Variants in CCDC191 observed in about 807,000 individuals in gnomAD.
CCDC191 encodes the protein coiled-coil domain containing 191.
CCDC191 carries 99 observed loss-of-function variants against 114.0 expected under a neutral mutation model. The ratio of observed to expected loss-of-function variants is 0.87; its 90% CI spans 0.74 to 1.03. CCDC191 has a LOEUF of 1.03. Among genes scored for constraint, CCDC191 ranks in the 50% least tolerant of loss-of-function variants. The probability of loss-of-function intolerance (pLI) is 0.00; values close to 1 mark genes in which losing one functional copy is unlikely to be tolerated. For missense variants in CCDC191, 973 were observed against 1,087.0 expected, an observed-to-expected ratio of 0.90 and a Z score of 1.47; for synonymous variants, 351 against 376.0, an observed-to-expected ratio of 0.93 and a Z score of 0.77.
At chr3:114,002,123 T>C (rs1577391236) in intron 12 of CCDC191, among the ~76,000 whole-genome samples, 1 of 152,198 alleles carries the variant, frequency 6.6e-6, no homozygotes, top group Non-Finnish European at 1.5e-5. Flanking sequence ...GGTCAAAACT[T>C]TGGAAAATAA....
intron 6 of CCDC191, among the ~76,000 whole-genome samples, chr3:114,033,690 G>C (rs1317425790): frequency 2.0e-5 from 3 of 152,188 alleles, no homozygotes; most frequent in Admixed American, 6.5e-5. Flanking sequence ...ATTTATTTTA[G>C]GTCAACCTAG....
chr3:114,045,375 ATTTG>A (rs1286987751), intron 3 of CCDC191, among the ~76,000 whole-genome samples: 1 of 151,668 alleles, frequency 6.6e-6, no homozygotes, highest in Non-Finnish European at 1.5e-5. Flanking sequence ...TTAATTTATT[ATTTG>A]TTTATTTATT....
intron 7 of CCDC191, among the ~76,000 whole-genome samples, chr3:114,028,521 G>A (rs1040703437): frequency 6.6e-6 from 1 of 151,766 alleles, no homozygotes. Context: ...TCCTGACCTC[G>A]TGATCCGCCC....
intron 7 of CCDC191, among the ~76,000 whole-genome samples, chr3:114,026,452 A>G (rs908550222): frequency 3.9e-5 from 6 of 152,212 alleles, no homozygotes; most frequent in Admixed American, 1.3e-4. Context: ...TAATCTTCCT[A>G]TGTGTGCTGG....
At chr3:113,995,846 T>C (rs189423358) in intron 13 of CCDC191, among the ~76,000 whole-genome samples, 2 of 152,366 alleles carry the variant, frequency 1.3e-5, no homozygotes, top group East Asian at 3.8e-4. Flanking sequence ...AATCTCATTG[T>C]GGTTTTGATT....
At chr3:114,042,292 AAAT>A (rs1403573221) in intron 4 of CCDC191, among the ~76,000 whole-genome samples, 1 of 152,190 alleles carries the variant, frequency 6.6e-6, no homozygotes. Context: ...CAACAATAAA[AAAT>A]AATAAACATT....
In CCDC191 at chr3:113,992,686, CCTG is replaced by C. The variant is rs370850517; in HGVS notation, c.2163+8906_2163+8908del. 4.7e-3 allele frequency among the ~76,000 whole-genome samples: 721 copies of C among 152,100 alleles called. 1 individual carries two copies. The highest frequency in any genetic ancestry group is 0.02 in the Middle Eastern group (6 of 294). ...GGCACATGTATACATATGTAACAAACCTGCACGTTGTGCACACGTACCCTAAAA... is the reference window on the plus strand; with the variant it reads ...GGCACATGTATACATATGTAACAAACCACGTTGTGCACACGTACCCTAAAA... On this transcript the variant is annotated intron_variant, in intron 13 of 16. Transcript: ENST00000295878.
At position 114,018,738 on chromosome 3, in the gene CCDC191, C is replaced by T; in HGVS notation, c.1103G>A (p.Arg368Lys). 1 of 1,613,648 alleles carries T rather than the reference C, an allele frequency of 6.2e-7. No homozygotes were observed. The highest frequency in any genetic ancestry group is 8.5e-7 in the Non-Finnish European group (1 of 1,179,754). ...AGTCTCCCGCTCCAACTTCTGGAAT[C>T]TTGTGTAGTCTCTCCAGGCCCGCAG... ...KVLRAWRDYT[R>K]FQKLERETQA... The change falls in exon 8 of 17, where the codon AGA becomes AAA. Residue 368 changes from arginine (R) to lysine (K), a missense_variant. Transcript: ENST00000295878.
chr3:114,032,574 A>T lies in CCDC191; in HGVS notation c.819-795T>A, dbSNP rs144157227. Among the ~76,000 whole-genome samples, 144 of 152,316 alleles carry T rather than the reference A, an allele frequency of 9.5e-4. 4 individuals carry two copies. In the East Asian group the frequency reaches 0.016, roughly 17 times the overall value. ...AACTCATGAGCTCTGGCCACAAACC[A>T]GCTAGTCACCTGATCTTTCTTGAAC... is the stretch of plus-strand genomic sequence containing the variant. On this transcript the variant is annotated intron_variant, in intron 6 of 16. Coordinates refer to ENST00000295878, the MANE Select transcript of CCDC191 (RefSeq NM_020817.2).
At chr3:113,967,087 A>T (rs1229032587) in intron 16 of CCDC191, among the ~76,000 whole-genome samples, 2 of 150,394 alleles carry the variant, frequency 1.3e-5, no homozygotes, top group African/African-American at 4.8e-5. Flanking sequence ...TAACAGAGTG[A>T]GACTCTTGTC....
intron 14 of CCDC191, among the ~76,000 whole-genome samples, chr3:113,979,964 G>T (rs1167309892): frequency 2.6e-5 from 4 of 152,180 alleles, no homozygotes; most frequent in African/African-American, 9.7e-5. Context: ...TTACTGTTCT[G>T]TTCTCTCTAA....
In CCDC191 at chr3:113,980,943, A is replaced by T. The variant is rs181828248; in HGVS notation, c.2164-150T>A. 2.3e-4 allele frequency: 155 copies of T among 681,176 alleles called. No individual in the cohort carries two copies. The African/African-American group carries it at 2.6e-3, about 11-fold the overall frequency. 42.2% of individuals were successfully genotyped at this position (681,176 alleles called of 1,614,324 possible). On this transcript the variant is annotated intron_variant, in intron 13 of 16. Transcript: ENST00000295878. Reference sequence around the variant, plus strand: ...CTCTGGATAATAGGGCTTTTTCTTTAAAAAAAAGGAAATAATTCTGCTAAG... The same window carrying T: ...CTCTGGATAATAGGGCTTTTTCTTTTAAAAAAAGGAAATAATTCTGCTAAG...
chr3:113,986,181 T>C (rs958829448), intron 13 of CCDC191, among the ~76,000 whole-genome samples: 6 of 151,812 alleles, frequency 4.0e-5, no homozygotes, highest in African/African-American at 1.5e-4. Context: ...CACATGGTAA[T>C]AGAGATAAAG....
chr3:113,969,077 T>TGG (rs1940526711), intron 16 of CCDC191, among the ~76,000 whole-genome samples: 2 of 152,188 alleles, frequency 1.3e-5, no homozygotes, highest in African/African-American at 4.8e-5. Context: ...TGCCAGGTTC[T>TGG]TTTTAACAAC....
intron 12 of CCDC191, 169 bp from the exon 13 acceptor site, chr3:114,001,865 T>A: frequency 2.7e-6 from 2 of 736,974 alleles, no homozygotes; most frequent in Non-Finnish European, 4.3e-6. Context: ...ATCAGTTACG[T>A]AACTTAAAAG....
chr3:114,056,056 G>C (rs1283233616), intron 1 of CCDC191, among the ~76,000 whole-genome samples: 1 of 151,736 alleles, frequency 6.6e-6, no homozygotes, highest in African/African-American at 2.4e-5. Flanking sequence ...AAATGTGCGA[G>C]AAGTTTCCTA....
At chr3:113,984,758 G>C (rs925637015) in intron 13 of CCDC191, 4 of 152,230 alleles carry the variant, frequency 2.6e-5, no homozygotes, top group African/African-American at 4.8e-5. Context: ...ATGAACTGCA[G>C]CTTCTAAAAG....
intron 13 of CCDC191, among the ~76,000 whole-genome samples, chr3:113,989,677 A>G (rs2075490807): frequency 6.6e-6 from 1 of 152,188 alleles, no homozygotes; most frequent in African/African-American, 2.4e-5. Flanking sequence ...AATTTACAGC[A>G]GTAAATTCAC....
Position 113,965,125 on chromosome 3 carries a change from T to G in CCDC191, c.*30A>C, listed in dbSNP as rs769552948. On this transcript the variant is annotated 3_prime_UTR_variant, in exon 17 of 17. Transcript: ENST00000295878. ...TAACACACATACAGACTAGTCGAGCTTCCTGTCCTAAATATTACACTAATC... is the reference window on the plus strand; with the variant it reads ...TAACACACATACAGACTAGTCGAGCGTCCTGTCCTAAATATTACACTAATC... 2 of 1,460,706 alleles carry G rather than the reference T, an allele frequency of 1.4e-6. No individual in the cohort carries two copies. Among genetic ancestry groups the G allele is most frequent in the South Asian group, 1.3e-5 (1 of 75,572 alleles). 90.5% of individuals were successfully genotyped at this position (1,460,706 alleles called of 1,614,324 possible).
Sources: gnomAD v4.1 joint callset for allele counts (sites outside exome capture counted in the v4.1 genomes callset) on GRCh38, gnomAD v4.1.1 for gene constraint, MANE v1.5 for transcripts, NCBI Gene and HGNC (gene_info 2026-07-23, HGNC 2026-07-21) for gene names.